CA10: variants seen among roughly 807,000 people sequenced by gnomAD.
CA10 encodes carbonic anhydrase-related protein 10.
CA10 carries 14 observed loss-of-function variants against 44.2 expected under a neutral mutation model. That is an observed-to-expected ratio of 0.32 (90% CI 0.21 to 0.50). CA10 has a LOEUF of 0.50. CA10 is among the 20% of genes least tolerant of loss of function. CA10 has a pLI of 0.99. For synonymous variants in CA10, 159 were observed against 141.6 expected, an observed-to-expected ratio of 1.12 and a Z score of -0.87; for missense variants, 350 against 409.7, an observed-to-expected ratio of 0.85 and a Z score of 1.26.
chr17:52,137,546 T>G (rs921537222), intron 1 of CA10, among the ~76,000 whole-genome samples: 4 of 152,188 alleles, frequency 2.6e-5, no homozygotes, highest in Non-Finnish European at 4.4e-5. Context: ...CAGTTAAATA[T>G]AAGCCTGGTA....
chr17:52,120,032 C>A (rs887659787), intron 1 of CA10, among the ~76,000 whole-genome samples: 1 of 152,092 alleles, frequency 6.6e-6, no homozygotes, highest in Admixed American at 6.5e-5. Flanking sequence ...AATAGGGTGC[C>A]CATCACCCAG....
intron 1 of CA10, among the ~76,000 whole-genome samples, chr17:52,103,757 A>G (rs1421303328): frequency 1.3e-5 from 2 of 152,186 alleles, no homozygotes; most frequent in African/African-American, 2.4e-5. Flanking sequence ...TCTTCTTCCA[A>G]GGCTCTCATT....
At chr17:51,849,203 A>ATG (rs1479077500) in intron 3 of CA10, among the ~76,000 whole-genome samples, 3 of 43,274 alleles carry the variant, frequency 6.9e-5, no homozygotes, top group African/African-American at 1.1e-4. Flanking sequence ...ATATACATAT[A>ATG]TGTATATATA....
At chr17:52,086,700 G>C (rs1195536913) in intron 1 of CA10, among the ~76,000 whole-genome samples, 1 of 152,170 alleles carries the variant, frequency 6.6e-6, no homozygotes, top group Non-Finnish European at 1.5e-5. Flanking sequence ...AAGAAGAGGA[G>C]TAAATATTTT....
intron 2 of CA10, among the ~76,000 whole-genome samples, chr17:52,053,244 C>T (rs1451476530): frequency 2.0e-5 from 3 of 152,042 alleles, no homozygotes; most frequent in East Asian, 1.9e-4. Context: ...AAGTAGGGGG[C>T]TATCATAGGC....
At chr17:52,116,116 C>T (rs1477036099) in intron 1 of CA10, among the ~76,000 whole-genome samples, 2 of 151,876 alleles carry the variant, frequency 1.3e-5, no homozygotes, top group East Asian at 3.9e-4. Context: ...GTTTCTCTCC[C>T]TGTTGGAGAA....
At chr17:51,710,551 GC>G (rs1915903459) in intron 4 of CA10, among the ~76,000 whole-genome samples, 1 of 152,176 alleles carries the variant, frequency 6.6e-6, no homozygotes, top group African/African-American at 2.4e-5. Flanking sequence ...GACTAAGTTT[GC>G]CTTTGCCTGG....
intron 3 of CA10, among the ~76,000 whole-genome samples, chr17:51,770,847 C>T (rs552131795): frequency 4.6e-4 from 70 of 151,968 alleles, no homozygotes; most frequent in Non-Finnish European, 8.4e-4. Context: ...AGATCTCAGC[C>T]GGGCGCAGTG....
chr17:51,941,484 T>A (rs1195496290), intron 2 of CA10, among the ~76,000 whole-genome samples: 1 of 152,176 alleles, frequency 6.6e-6, no homozygotes, highest in East Asian at 1.9e-4. Context: ...AATCTGAAAT[T>A]AGTTGATAGA....
intron 4 of CA10, among the ~76,000 whole-genome samples, chr17:51,716,216 T>C (rs1361895161): frequency 6.6e-6 from 1 of 152,128 alleles, no homozygotes; most frequent in African/African-American, 2.4e-5. Flanking sequence ...GTCACCTTAC[T>C]CAGCAGTTCT....
chr17:51,843,255 A>G (rs1355685501), intron 3 of CA10, among the ~76,000 whole-genome samples: 2 of 152,204 alleles, frequency 1.3e-5, no homozygotes, highest in Non-Finnish European at 2.9e-5. Context: ...GCCATTCTCT[A>G]AAGAAAGGTA....
intron 1 of CA10, among the ~76,000 whole-genome samples, chr17:52,131,824 G>A (rs1352730831): frequency 6.6e-6 from 1 of 152,130 alleles, no homozygotes; most frequent in Non-Finnish European, 1.5e-5. Context: ...GAAATACTAT[G>A]CAGCCATAAA....
At chr17:51,996,774 C>G (rs1985251604) in intron 2 of CA10, among the ~76,000 whole-genome samples, 1 of 151,972 alleles carries the variant, frequency 6.6e-6, no homozygotes, top group Non-Finnish European at 1.5e-5. Flanking sequence ...AAAGGGCTAA[C>G]AGATGGCTAC....
intron 3 of CA10, among the ~76,000 whole-genome samples, chr17:51,755,773 G>A (rs906715659): frequency 2.6e-5 from 4 of 152,082 alleles, no homozygotes; most frequent in East Asian, 1.9e-4. Flanking sequence ...GGTACAGGTC[G>A]GCTAAGAATT....
chr17:52,068,191 G>T (rs1987585893), intron 2 of CA10, among the ~76,000 whole-genome samples: 1 of 152,134 alleles, frequency 6.6e-6, no homozygotes, highest in South Asian at 2.1e-4. Flanking sequence ...TTGGATCTTG[G>T]GGTGGTTTCT....
At chr17:51,680,768 T>A (rs912799252) in intron 4 of CA10, among the ~76,000 whole-genome samples, 1 of 152,192 alleles carries the variant, frequency 6.6e-6, no homozygotes, top group Admixed American at 6.5e-5. Flanking sequence ...GTCTGAGGAC[T>A]CTTCTGTGGT....
At chr17:51,703,755 C>T (rs1377324314) in intron 4 of CA10, among the ~76,000 whole-genome samples, 1 of 152,196 alleles carries the variant, frequency 6.6e-6, no homozygotes, top group Non-Finnish European at 1.5e-5. Context: ...AGAGACAAAC[C>T]TTTGTGGTGA....
intron 2 of CA10, among the ~76,000 whole-genome samples, chr17:51,994,622 G>A (rs184847151): frequency 5.3e-4 from 64 of 120,132 alleles, no homozygotes; most frequent in Non-Finnish European, 7.1e-4. Context: ...ATGCTACAGA[G>A]ATCTGGACTT....
chr17:52,159,356 G>A (rs1016757963), upstream of CA10: 2 of 152,322 alleles, frequency 1.3e-5, no homozygotes, highest in African/African-American at 4.8e-5. Context: ...CGAAAAGGGG[G>A]AACACCGCCT....
Sources: gnomAD v4.1 joint callset for allele counts (sites outside exome capture counted in the v4.1 genomes callset) on GRCh38, gnomAD v4.1.1 for gene constraint, MANE v1.5 for transcripts, NCBI Gene and HGNC (gene_info 2026-07-23, HGNC 2026-07-21) for gene names.